The following CYRIB variants were observed in gnomAD, a reference collection of about 807,000 sequenced individuals.
The protein encoded by CYRIB is CYFIP related Rac1 interactor B, also known as CYFIP-related Rac1 interactor B.
A neutral mutation model predicts 44.2 loss-of-function variants in CYRIB; 8 were observed. That is an observed-to-expected ratio of 0.18 (90% confidence interval 0.11 to 0.33). The LOEUF is 0.33. Among genes scored for constraint, CYRIB ranks in the 10% least tolerant of loss-of-function variants. The probability of loss-of-function intolerance (pLI) is 1.00; values close to 1 mark genes in which losing one functional copy is unlikely to be tolerated. For missense variants in CYRIB, 185 were observed against 382.8 expected, an observed-to-expected ratio of 0.48 and a Z score of 4.31; for synonymous variants, 131 against 127.2, an observed-to-expected ratio of 1.03 and a Z score of -0.20.
At chr8:129,985,013 G>A (rs956097256) in intron 1 of CYRIB, among the ~76,000 whole-genome samples, 5 of 152,032 alleles carry the variant, frequency 3.3e-5, no homozygotes, top group African/African-American at 4.8e-5. Context: ...TCAGGTGATC[G>A]CCTGCCTCGG....
intron 2 of CYRIB, among the ~76,000 whole-genome samples, chr8:129,968,567 G>A (rs2095573193): frequency 6.6e-6 from 1 of 152,114 alleles, no homozygotes. Context: ...TTCTCACTGT[G>A]GGAGTGCTGT....
chr8:129,902,526 T>C (rs1296483315), intron 2 of CYRIB, among the ~76,000 whole-genome samples: 2 of 152,160 alleles, frequency 1.3e-5, no homozygotes, highest in African/African-American at 2.4e-5. Flanking sequence ...ACCCTTGTTT[T>C]TGTTTTTAGA....
chr8:129,985,988 C>G (rs559610255), intron 1 of CYRIB, among the ~76,000 whole-genome samples: 16 of 152,276 alleles, frequency 1.1e-4, no homozygotes, highest in African/African-American at 3.6e-4. Flanking sequence ...GTAGCTGCTG[C>G]CCCAGGAGTC....
At chr8:129,922,982 C>A (rs2084678488) in intron 1 of CYRIB, among the ~76,000 whole-genome samples, 1 of 151,480 alleles carries the variant, frequency 6.6e-6, no homozygotes, top group South Asian at 2.1e-4. Context: ...GTAATCCCAG[C>A]ACTTTGGAAG....
intron 1 of CYRIB, among the ~76,000 whole-genome samples, chr8:130,013,338 A>G (rs1195265200): frequency 6.6e-6 from 1 of 152,212 alleles, no homozygotes; most frequent in African/African-American, 2.4e-5. Context: ...GCAGTGAGAA[A>G]GAAAACCAAG....
intron 1 of CYRIB, among the ~76,000 whole-genome samples, chr8:129,908,447 A>T (rs2076518126): frequency 6.6e-6 from 1 of 152,226 alleles, no homozygotes; most frequent in Admixed American, 6.5e-5. Context: ...TATTTAAATT[A>T]TTAAGTTATT....
intron 1 of CYRIB, among the ~76,000 whole-genome samples, chr8:129,997,119 A>AAGG (rs138647640): frequency 2.2e-4 from 20 of 89,934 alleles, no homozygotes; most frequent in Middle Eastern, 6.0e-3. Flanking sequence ...GGAAGGAAGG[A>AAGG]AGGAGGAGGA....
chr8:129,871,332 CAGTA>C (rs2057116915), intron 4 of CYRIB, 39 bp downstream of exon 6: 1 of 1,575,858 alleles, frequency 6.3e-7, no homozygotes, highest in Non-Finnish European at 8.6e-7. Context: ...AGAGGTGGGA[CAGTA>C]AGTTTCAGTT....
At chr8:129,980,517 C>T (rs967750976) in intron 1 of CYRIB, among the ~76,000 whole-genome samples, 13 of 151,910 alleles carry the variant, frequency 8.6e-5, no homozygotes, top group African/African-American at 2.9e-4. Context: ...AAACAATATG[C>T]GCTGGGCGTG....
At position 129,991,970 on chromosome 8, in the gene CYRIB, A is replaced by C. The variant is rs2395972; in HGVS notation, c.-295-20975T>G. Among the ~76,000 whole-genome samples the C allele has an allele frequency of 2.2e-5, 3 of 139,492 alleles. 1 individual carries two copies. Among genetic ancestry groups the C allele is most frequent in the Admixed American group, 7.1e-5 (1 of 14,024 alleles). The allele number at this position is 139,492 out of a possible 152,430, so 91.5% of individuals were successfully genotyped here. ...AAAAAAAAAAAAAAAAAAAAAAAAA[A>C]AACAATAGGAAGCTATTAAGGGTTT... On this transcript the variant is annotated intron_variant, in intron 1 of 14. Coordinates refer to the CYRIB transcript ENST00000401979.
At chr8:129,989,063 T>A (rs759875971) in intron 1 of CYRIB, among the ~76,000 whole-genome samples, 2 of 152,214 alleles carry the variant, frequency 1.3e-5, no homozygotes, top group African/African-American at 2.4e-5. Flanking sequence ...CCAGGTTCTG[T>A]CTTTTCCCCC....
intron 3 of CYRIB, 121 bp from the exon 6 acceptor site, chr8:129,871,617 C>T: frequency 1.0e-6 from 1 of 987,216 alleles, no homozygotes; most frequent in East Asian, 2.8e-5. Context: ...TTAATGTTAA[C>T]TTTGAACTTT....
At chr8:130,011,124 C>G (rs140164856) in intron 1 of CYRIB, among the ~76,000 whole-genome samples, 5 of 152,094 alleles carry the variant, frequency 3.3e-5, no homozygotes, top group Admixed American at 1.3e-4. Flanking sequence ...CCGCCACTGA[C>G]TCTCACAAGC....
At position 129,909,820 on chromosome 8, in the gene CYRIB, A is replaced by C. The variant is rs1322409169; in HGVS notation, c.-49-6470T>G. 3.3e-5 allele frequency among the ~76,000 whole-genome samples: 5 copies of C among 152,342 alleles called. No homozygotes were observed. In the East Asian group the frequency reaches 9.6e-4, roughly 29 times the overall value. ...AAGCAAACACCCTGGCTGTGCATAC[A>C]CATGCCCCTGCACACAAGGGTCACG... is the stretch of plus-strand genomic sequence containing the variant. On this transcript the variant is annotated intron_variant, in intron 1 of 11. Coordinates refer to ENST00000519824, the Ensembl canonical transcript of CYRIB.
At chr8:129,894,377 A>G (rs1039692431) in intron 2 of CYRIB, 1 of 152,202 alleles carries the variant, frequency 6.6e-6, no homozygotes, top group Non-Finnish European at 1.5e-5. Flanking sequence ...ATCAGTAAAA[A>G]TGTGCACCTC....
intron 1 of CYRIB, among the ~76,000 whole-genome samples, chr8:129,995,820 G>T (rs1207089975): frequency 6.6e-6 from 1 of 152,204 alleles, no homozygotes; most frequent in Non-Finnish European, 1.5e-5. Context: ...ACTAGGCCTG[G>T]ATATGCAAAC....
intron 1 of CYRIB, among the ~76,000 whole-genome samples, chr8:129,994,396 A>C (rs2096720964): frequency 6.6e-6 from 1 of 152,274 alleles, no homozygotes; most frequent in East Asian, 1.9e-4. Flanking sequence ...TTGAGTCCCC[A>C]GTTTGTGAGA....
intron 1 of CYRIB, among the ~76,000 whole-genome samples, chr8:130,007,777 T>G (rs1206555133): frequency 2.0e-5 from 3 of 149,164 alleles, no homozygotes; most frequent in African/African-American, 7.6e-5. Context: ...AGAGCGAAAC[T>G]CCATCTCCAA....
At chr8:129,846,701 TA>T in intron 11 of CYRIB, 102 bp downstream of exon 13, 2 of 736,166 alleles carry the variant, frequency 2.7e-6, no homozygotes, top group Admixed American at 3.2e-5. Context: ...CTTGAACACT[TA>T]TTTTTATATC....
Sources: allele counts gnomAD v4.1 joint callset (sites outside exome capture counted in the v4.1 genomes callset), GRCh38; gene constraint gnomAD v4.1.1; transcripts MANE v1.5; gene names NCBI Gene and HGNC (gene_info 2026-07-23, HGNC 2026-07-21).